Variants in ACTR3C observed in about 807,000 individuals in gnomAD.
ACTR3C encodes the protein actin related protein 3C.
In ACTR3C, 18 loss-of-function variants were observed where a neutral mutation model predicts 26.3. That is an observed-to-expected ratio of 0.68 (90% confidence interval 0.47 to 1.01). The LOEUF (loss-of-function observed/expected upper bound fraction) is 1.01. Ranked by LOEUF, ACTR3C falls within the 50% of genes least tolerant of loss-of-function variation. The pLI is 0.00. For synonymous variants in ACTR3C, 55 were observed against 94.5 expected (o/e 0.58, Z 2.42); for missense variants, 184 against 250.7 (o/e 0.73, Z 1.80).
chr7:150,227,695 T>G, the ACTR3C span, among the ~76,000 whole-genome samples: 5 of 137,976 alleles, frequency 3.6e-5, no homozygotes, highest in East Asian at 2.0e-4. Context: ...TGGGTTTTTT[T>G]TTTTTGTTTT....
At chr7:149,882,417 T>C in the ACTR3C span, among the ~76,000 whole-genome samples, 1 of 152,196 alleles carries the variant, frequency 6.6e-6, no homozygotes, top group African/African-American at 2.4e-5. Context: ...GGAGAGCTGC[T>C]CGCTGCTCTC....
At chr7:150,038,911 T>C in the ACTR3C span, among the ~76,000 whole-genome samples, 37 of 96,796 alleles carry the variant, frequency 3.8e-4, 2 homozygotes, top group South Asian at 6.8e-4. Flanking sequence ...ATGGGGGTAC[T>C]AACAGCCAGG....
chr7:150,067,693 C>A, the ACTR3C span, among the ~76,000 whole-genome samples: 1 of 140,270 alleles, frequency 7.1e-6, no homozygotes, highest in Non-Finnish European at 1.6e-5. Flanking sequence ...TATAAAGCCA[C>A]CTTCAAAGGC....
At chr7:150,280,212 G>A (rs956785703) in intron 6 of ACTR3C, among the ~76,000 whole-genome samples, 21 of 151,984 alleles carry the variant, frequency 1.4e-4, no homozygotes, top group Admixed American at 2.6e-4. Context: ...TCCCAGGGTG[G>A]GACCCAGACT....
the ACTR3C span, among the ~76,000 whole-genome samples, chr7:150,144,920 T>G: frequency 7.9e-4 from 120 of 151,886 alleles, no homozygotes; most frequent in Middle Eastern, 3.4e-3. The surrounding 1 kb of genome is among the most constrained non-coding windows in gnomAD (Gnocchi z 4.6). Flanking sequence ...CGTGGTGGCG[T>G]GCTCCTGTAG....
chr7:150,160,974 A>G, the ACTR3C span, among the ~76,000 whole-genome samples: 2 of 149,688 alleles, frequency 1.3e-5, no homozygotes, highest in African/African-American at 5.0e-5. Flanking sequence ...GAGACTCTGT[A>G]AGATTTAAAA....
chr7:150,134,192 AAATT>A, the ACTR3C span, among the ~76,000 whole-genome samples: 2 of 151,986 alleles, frequency 1.3e-5, no homozygotes, highest in African/African-American at 4.8e-5. Context: ...TATACTATAA[AAATT>A]AAAGTATAAT....
At chr7:149,991,471 G>C in the ACTR3C span, among the ~76,000 whole-genome samples, 2,781 of 152,344 alleles carry the variant, frequency 0.018, 25 homozygotes, top group Non-Finnish European at 0.029. Context: ...CACAGAATCA[G>C]ACACAGGCTC....
the ACTR3C span, among the ~76,000 whole-genome samples, chr7:150,168,356 A>C: frequency 6.9e-4 from 104 of 150,650 alleles, 1 homozygote; most frequent in East Asian, 0.017. Flanking sequence ...TAGTCTGTGC[A>C]CTCCTTATGA....
At chr7:150,250,719 C>T (rs1356597811) in intron 6 of ACTR3C, among the ~76,000 whole-genome samples, 2 of 151,808 alleles carry the variant, frequency 1.3e-5, no homozygotes, top group Non-Finnish European at 2.9e-5. Flanking sequence ...TTTAGGATGG[C>T]TCCCGGAAGT....
the ACTR3C span, among the ~76,000 whole-genome samples, chr7:150,033,456 G>A: frequency 1.3e-5 from 2 of 152,184 alleles, no homozygotes; most frequent in Admixed American, 1.3e-4. Flanking sequence ...TCATGCACCT[G>A]CCGTCGGAAG....
At chr7:150,118,315 G>A in the ACTR3C span, among the ~76,000 whole-genome samples, 8 of 151,976 alleles carry the variant, frequency 5.3e-5, no homozygotes, top group Admixed American at 5.2e-4. Flanking sequence ...CTAACCCAAT[G>A]CAAGGAAGCT....
the ACTR3C span, among the ~76,000 whole-genome samples, chr7:149,978,923 T>C: frequency 0.95 from 138,931 of 145,806 alleles, 66,265 homozygotes; most frequent in East Asian, 1. Flanking sequence ...CTGTGTTAAC[T>C]TTGTGTTTCA....
the ACTR3C span, among the ~76,000 whole-genome samples, chr7:149,939,502 G>A: frequency 2.6e-5 from 4 of 152,290 alleles, no homozygotes; most frequent in African/African-American, 4.8e-5. Context: ...AAGCAAACAC[G>A]AAGCACAAGA....
At chr7:150,114,268 C>T in the ACTR3C span, among the ~76,000 whole-genome samples, 1 of 152,144 alleles carries the variant, frequency 6.6e-6, no homozygotes, top group Non-Finnish European at 1.5e-5. Flanking sequence ...TACTTGCATG[C>T]ATCCTCTAAT....
chr7:150,114,590 ATGAAGATTTATT>A, the ACTR3C span, among the ~76,000 whole-genome samples: 1 of 152,236 alleles, frequency 6.6e-6, no homozygotes, highest in Non-Finnish European at 1.5e-5. Flanking sequence ...ATTTTTTTAC[ATGAAGATTTATT>A]TAAAGTGTGA....
intron 1 of ACTR3C, among the ~76,000 whole-genome samples, chr7:150,309,642 G>T (rs1463858213): frequency 6.6e-6 from 1 of 152,086 alleles, no homozygotes; most frequent in Non-Finnish European, 1.5e-5. Context: ...CGCAAAACTG[G>T]CCACTAGACC....
the ACTR3C span, among the ~76,000 whole-genome samples, chr7:150,161,556 T>C: frequency 6.6e-6 from 1 of 152,178 alleles, no homozygotes; most frequent in African/African-American, 2.4e-5. Context: ...ATCATTTTTA[T>C]GGCTGCATAG....
the ACTR3C span, among the ~76,000 whole-genome samples, chr7:150,145,448 T>A: frequency 6.6e-6 from 1 of 151,202 alleles, no homozygotes; most frequent in Non-Finnish European, 1.5e-5. Context: ...GTCTTTAATC[T>A]GCCTCATTTC....
Sources: allele counts gnomAD v4.1 joint callset (sites outside exome capture counted in the v4.1 genomes callset), GRCh38; gene constraint gnomAD v4.1.1; non-coding constraint Gnocchi (gnomAD v3.1); transcripts MANE v1.5; gene names NCBI Gene and HGNC (gene_info 2026-07-23, HGNC 2026-07-21).